MAN1A2: variants seen among roughly 807,000 people sequenced by gnomAD.
MAN1A2 encodes mannosidase alpha class 1A member 2, also known as mannosyl-oligosaccharide 1,2-alpha-mannosidase IB.
MAN1A2 carries 26 observed loss-of-function variants against 75.7 expected under a neutral mutation model. That is an observed-to-expected ratio of 0.34 (90% confidence interval 0.25 to 0.48). MAN1A2 has a LOEUF of 0.48. MAN1A2 is among the 20% of genes least tolerant of loss of function. MAN1A2 has a pLI of 0.99. For missense variants in MAN1A2, 562 were observed against 775.5 expected (o/e 0.72, Z 3.27); for synonymous variants, 247 against 264.6 (o/e 0.93, Z 0.65).
chr1:117,408,555 G>A (rs1230629583), intron 3 of MAN1A2, among the ~76,000 whole-genome samples: 6 of 151,842 alleles, frequency 4.0e-5, no homozygotes, highest in African/African-American at 1.5e-4. Flanking sequence ...TACATGTTTT[G>A]TTGAAGATTG....
At chr1:117,419,882 A>G (rs1043086540) in intron 4 of MAN1A2, among the ~76,000 whole-genome samples, 1 of 151,908 alleles carries the variant, frequency 6.6e-6, no homozygotes, top group Admixed American at 6.6e-5. Context: ...GTCTGTCATC[A>G]ATTTATCAAA....
chr1:117,371,532 A>G (rs1392352418), intron 1 of MAN1A2, among the ~76,000 whole-genome samples: 2 of 152,142 alleles, frequency 1.3e-5, no homozygotes, highest in Admixed American at 6.5e-5. Flanking sequence ...TAGAATGAGT[A>G]GGAGATTGCT....
intron 12 of MAN1A2, among the ~76,000 whole-genome samples, chr1:117,522,293 T>C (rs539489761): frequency 6.6e-6 from 1 of 151,972 alleles, no homozygotes; most frequent in Admixed American, 6.6e-5. Context: ...ATAGATAATA[T>C]GTTATGACTA....
At chr1:117,466,918 A>G (rs1436664678) in intron 8 of MAN1A2, among the ~76,000 whole-genome samples, 1 of 152,104 alleles carries the variant, frequency 6.6e-6, no homozygotes, top group African/African-American at 2.4e-5. Flanking sequence ...ATGGAGAAAG[A>G]ACATAGGGCT....
At chr1:117,374,111 G>A (rs1035304557) in intron 1 of MAN1A2, among the ~76,000 whole-genome samples, 2 of 152,040 alleles carry the variant, frequency 1.3e-5, no homozygotes, top group Non-Finnish European at 2.9e-5. Context: ...ACTAGCCTGG[G>A]CAACATAGTG....
intron 1 of MAN1A2, among the ~76,000 whole-genome samples, chr1:117,393,748 C>T (rs888932982): frequency 6.6e-6 from 1 of 151,986 alleles, no homozygotes; most frequent in Non-Finnish European, 1.5e-5. Context: ...TGATTGTTAA[C>T]AATAGTTATC....
intron 12 of MAN1A2, among the ~76,000 whole-genome samples, chr1:117,503,519 T>C (rs1280364561): frequency 2.0e-5 from 3 of 151,708 alleles, no homozygotes; most frequent in East Asian, 1.9e-4. Flanking sequence ...TTTCGTCTTA[T>C]ACTCCAAACC....
At chr1:117,420,755 T>C (rs1045001378) in intron 5 of MAN1A2, 106 bp downstream of exon 5, 2 of 821,288 alleles carry the variant, frequency 2.4e-6, no homozygotes, top group Non-Finnish European at 4.1e-6. Context: ...ATTGGTAATA[T>C]TGAACCAGTC....
chr1:117,520,045 A>G (rs971963528), intron 12 of MAN1A2, among the ~76,000 whole-genome samples: 8 of 152,114 alleles, frequency 5.3e-5, no homozygotes, highest in Non-Finnish European at 8.8e-5. Context: ...AATAAATGTG[A>G]TATCCCACAT....
In MAN1A2 at chr1:117,525,186, C is replaced by T. The variant is rs567148100; in HGVS notation, c.*2229C>T. The T allele has an allele frequency of 4.5e-5, 23 of 508,968 alleles. No homozygotes were observed. The East Asian group carries it at 1.0e-3, about 23-fold the overall frequency. 31.5% of individuals were successfully genotyped at this position (508,968 alleles called of 1,614,324 possible). On this transcript the variant is annotated 3_prime_UTR_variant, in exon 13 of 13. Coordinates refer to ENST00000356554, the MANE Select transcript of MAN1A2 (RefSeq NM_006699.5). ...GCTTAAGAGAAGGCAGGGAAGTATA[C>T]AAGCAGAGCCAGTTCTGGTACAAAC...
At chr1:117,510,664 A>G (rs1409201404) in intron 12 of MAN1A2, among the ~76,000 whole-genome samples, 1 of 152,120 alleles carries the variant, frequency 6.6e-6, no homozygotes, top group African/African-American at 2.4e-5. Context: ...TGATTAAAAT[A>G]TATAAACAAT....
chr1:117,390,451 T>A (rs1653679231), intron 1 of MAN1A2, among the ~76,000 whole-genome samples: 1 of 151,992 alleles, frequency 6.6e-6, no homozygotes, highest in Admixed American at 6.6e-5. Context: ...ATTTGTAGGA[T>A]TGTAATTATA....
intron 5 of MAN1A2, among the ~76,000 whole-genome samples, chr1:117,436,429 C>T (rs1007972521): frequency 2.0e-5 from 3 of 152,124 alleles, no homozygotes; most frequent in South Asian, 2.1e-4. Context: ...ACTGGTTCTA[C>T]AAGTATTGGA....
Position 117,466,338 on chromosome 1 carries a change from T to C in MAN1A2, c.1079T>C (p.Met360Thr). Residue 360 changes from methionine to threonine, a missense_variant, in exon 8 of 13, where the codon ATG becomes ACG. Coordinates refer to ENST00000356554, the MANE Select transcript of MAN1A2 (RefSeq NM_006699.5). ...TCTTAATTTTATTTTACTCAGGTTA[T>C]GCACATTCGGAAACTACTTCAGAAA... is the stretch of plus-strand genomic sequence containing the variant. ...TGDLTYYKKV[M>T]HIRKLLQKMD... 2 of 1,599,258 alleles carry C rather than the reference T, an allele frequency of 1.3e-6. No individual in the cohort carries two copies. The highest frequency in any genetic ancestry group is 2.2e-5 in the South Asian group (2 of 90,244).
At chr1:117,503,329 G>A (rs1651257933) in intron 12 of MAN1A2, among the ~76,000 whole-genome samples, 1 of 151,460 alleles carries the variant, frequency 6.6e-6, no homozygotes, top group Non-Finnish European at 1.5e-5. Flanking sequence ...GCTCCCATGT[G>A]TTACTGATAA....
chr1:117,407,689 C>A (rs1400047786), intron 3 of MAN1A2, among the ~76,000 whole-genome samples: 1 of 152,128 alleles, frequency 6.6e-6, no homozygotes, highest in Non-Finnish European at 1.5e-5. Context: ...ACAGAAAATC[C>A]ATTGCAAAAT....
At chr1:117,445,951 T>C (rs959887610) in intron 6 of MAN1A2, among the ~76,000 whole-genome samples, 4 of 147,092 alleles carry the variant, frequency 2.7e-5, no homozygotes, top group African/African-American at 9.8e-5. Context: ...TATATATAAA[T>C]TTATATATAT....
At chr1:117,390,537 A>G (rs1170218739) in intron 1 of MAN1A2, among the ~76,000 whole-genome samples, 1 of 151,612 alleles carries the variant, frequency 6.6e-6, no homozygotes, top group East Asian at 1.9e-4. Flanking sequence ...GAAATTTATC[A>G]ATTTTATTGA....
chr1:117,464,319 A>G (rs1156935577), intron 7 of MAN1A2, among the ~76,000 whole-genome samples: 1 of 146,432 alleles, frequency 6.8e-6, no homozygotes, highest in Non-Finnish European at 1.5e-5. Flanking sequence ...AGATCGAGCC[A>G]TTGCACTCCA....
Sources: allele counts gnomAD v4.1 joint callset (sites outside exome capture counted in the v4.1 genomes callset), GRCh38; gene constraint gnomAD v4.1.1; transcripts MANE v1.5; gene names NCBI Gene and HGNC (gene_info 2026-07-23, HGNC 2026-07-21).